ENAH: variants seen among roughly 807,000 people sequenced by gnomAD.
The protein encoded by ENAH is protein enabled homolog.
A neutral mutation model predicts 78.7 loss-of-function variants in ENAH; 23 were observed. The observed-to-expected ratio is 0.29, with a 90% CI of 0.21 to 0.41. The LOEUF (loss-of-function observed/expected upper bound fraction) is 0.41. ENAH is among the 10% of genes least tolerant of loss of function. The probability of loss-of-function intolerance (pLI) is 1.00; values close to 1 mark genes in which losing one functional copy is unlikely to be tolerated. For missense variants in ENAH, 544 were observed against 691.0 expected (o/e 0.79, Z 2.39); for synonymous variants, 226 against 241.0 (o/e 0.94, Z 0.58).
chr1:225,539,267 G>C (rs1443592229), intron 3 of ENAH, among the ~76,000 whole-genome samples: 1 of 152,124 alleles, frequency 6.6e-6, no homozygotes, highest in East Asian at 1.9e-4. Flanking sequence ...GCTTAGTCAT[G>C]TTCAGGGTGG....
chr1:225,519,705 A>G, intron 4 of ENAH, 140 bp from the exon 5 acceptor site: 3 of 1,274,102 alleles, frequency 2.4e-6, no homozygotes, highest in Non-Finnish European at 2.2e-6. Context: ...TCCCACATGA[A>G]GGCTACCTTG....
At chr1:225,651,871 ATACC>A (rs1430419157) in intron 1 of ENAH, among the ~76,000 whole-genome samples, 1 of 152,230 alleles carries the variant, frequency 6.6e-6, no homozygotes, top group Non-Finnish European at 1.5e-5. Flanking sequence ...GAAAAATATC[ATACC>A]ATATGTTTCA....
chr1:225,514,510 A>T (rs1246044339), intron 7 of ENAH, 86 bp downstream of exon 7: 1 of 1,097,124 alleles, frequency 9.1e-7, no homozygotes, highest in East Asian at 2.6e-5. Flanking sequence ...ATAACATTTC[A>T]TAAAATTAGA....
chr1:225,603,643 T>C (rs1345059858), intron 1 of ENAH, among the ~76,000 whole-genome samples: 1 of 152,180 alleles, frequency 6.6e-6, no homozygotes, highest in Admixed American at 6.5e-5. Context: ...ATTACAGGCA[T>C]GCTCTGGCTA....
chr1:225,609,155 T>C (rs1012276865), intron 1 of ENAH, among the ~76,000 whole-genome samples: 2 of 151,748 alleles, frequency 1.3e-5, no homozygotes, highest in African/African-American at 4.8e-5. Context: ...TCAGTTCAAC[T>C]GGAACACAAA....
rs2096220644 is a variant in ENAH at position 225,491,270 on chromosome 1, A to G, written c.*6505T>C. The stretch of plus-strand genomic sequence containing the variant: ...ACTCTTCTGTCTCAGCCTCCCGAAG[A>G]GCTGGGATTACAGGTGCCCACCACT... On this transcript the variant is annotated 3_prime_UTR_variant, in exon 14 of 14. Transcript: ENST00000366843. The G allele has an allele frequency of 6.6e-6, 1 of 152,110 alleles. No individual in the cohort carries two copies. The highest frequency in any genetic ancestry group is 1.5e-5 in the Non-Finnish European group (1 of 68,056). 9.4% of individuals were successfully genotyped at this position (152,110 alleles called of 1,614,324 possible). A position where few individuals can be genotyped will look rare whatever the true frequency, so the allele number is the denominator to read the frequency against.
intron 1 of ENAH, among the ~76,000 whole-genome samples, chr1:225,647,767 T>C (rs1277280728): frequency 1.3e-5 from 2 of 152,100 alleles, no homozygotes; most frequent in African/African-American, 4.8e-5. Flanking sequence ...ACAGATTCTA[T>C]AAAAGAGCAA....
At chr1:225,522,734 T>C (rs1266674076) in intron 4 of ENAH, among the ~76,000 whole-genome samples, 2 of 152,168 alleles carry the variant, frequency 1.3e-5, no homozygotes, top group African/African-American at 2.4e-5. Context: ...ATATGGGCCA[T>C]TTTACATATA....
At chr1:225,626,984 AAC>A (rs993792642) in intron 1 of ENAH, among the ~76,000 whole-genome samples, 11 of 152,316 alleles carry the variant, frequency 7.2e-5, no homozygotes, top group African/African-American at 2.2e-4. Context: ...ATATGAGAAA[AAC>A]ACACAAATAA....
intron 11 of ENAH, among the ~76,000 whole-genome samples, chr1:225,507,050 T>C (rs1238604266): frequency 6.6e-6 from 1 of 152,156 alleles, no homozygotes; most frequent in Non-Finnish European, 1.5e-5. Flanking sequence ...AGAAAAGGTT[T>C]CATCTATGTT....
At chr1:225,595,516 ATAGT>A (rs990189785) in intron 1 of ENAH, among the ~76,000 whole-genome samples, 4 of 152,236 alleles carry the variant, frequency 2.6e-5, no homozygotes, top group Admixed American at 2.0e-4. Flanking sequence ...GTCATGACAA[ATAGT>A]TAGGTGCCTA....
intron 2 of ENAH, among the ~76,000 whole-genome samples, chr1:225,561,606 G>A (rs908239460): frequency 6.0e-5 from 2 of 33,188 alleles, no homozygotes; most frequent in African/African-American, 1.8e-4. Context: ...TGGCGACAGA[G>A]TGAGATTCCG....
chr1:225,532,793 A>G (rs1558768760), intron 3 of ENAH, among the ~76,000 whole-genome samples: 1 of 152,088 alleles, frequency 6.6e-6, no homozygotes, highest in Non-Finnish European at 1.5e-5. Context: ...AATGTGGGTA[A>G]TATTTTGTGG....
intron 2 of ENAH, among the ~76,000 whole-genome samples, chr1:225,558,719 C>T (rs1172900271): frequency 4.0e-5 from 6 of 149,044 alleles, no homozygotes; most frequent in African/African-American, 9.9e-5. Context: ...CTGCAAACTC[C>T]GCCTCCCAGG....
intron 11 of ENAH, among the ~76,000 whole-genome samples, chr1:225,505,629 T>TTAAAGCGGC (rs3081080): frequency 2.6e-5 from 4 of 151,444 alleles, no homozygotes; most frequent in African/African-American, 9.7e-5. Flanking sequence ...TAAGACATAC[T>TTAAAGCGGC]TAATACACTT....
intron 1 of ENAH, among the ~76,000 whole-genome samples, chr1:225,575,131 C>CACAG (rs1467186059): frequency 8.6e-5 from 13 of 151,614 alleles, no homozygotes; most frequent in African/African-American, 3.2e-4. Flanking sequence ...CTCCGTGACC[C>CACAG]TCACTGCTCC....
intron 1 of ENAH, among the ~76,000 whole-genome samples, chr1:225,648,980 TA>T (rs997900408): frequency 6.6e-6 from 1 of 152,120 alleles, no homozygotes; most frequent in African/African-American, 2.4e-5. Flanking sequence ...ATCCTTGAGC[TA>T]AATAAGGTCG....
At chr1:225,625,523 A>AT (rs1293809971) in intron 1 of ENAH, among the ~76,000 whole-genome samples, 2 of 152,028 alleles carry the variant, frequency 1.3e-5, no homozygotes, top group Admixed American at 6.6e-5. Context: ...CGTTTCCTGT[A>AT]TTTTTGTTTA....
chr1:225,604,923 A>C (rs1263301321), intron 1 of ENAH, among the ~76,000 whole-genome samples: 4 of 152,248 alleles, frequency 2.6e-5, no homozygotes, highest in African/African-American at 4.8e-5. Flanking sequence ...TTAGACTTTG[A>C]TACTTAGGAG....
Sources: gnomAD v4.1 joint callset for allele counts (sites outside exome capture counted in the v4.1 genomes callset) on GRCh38, gnomAD v4.1.1 for gene constraint, MANE v1.5 for transcripts, NCBI Gene and HGNC (gene_info 2026-07-23, HGNC 2026-07-21) for gene names.